The following RORC variants were observed in gnomAD, a reference collection of about 807,000 sequenced individuals.
The protein encoded by RORC is RAR related orphan receptor C.
Under a neutral mutation model 64.5 loss-of-function variants are expected in RORC, and 13 were observed. The observed-to-expected ratio is 0.20, with a 90% CI of 0.13 to 0.32. The LOEUF (loss-of-function observed/expected upper bound fraction) is 0.32, where lower values mean the gene tolerates loss of function less well. RORC is among the 10% of genes least tolerant of loss of function. RORC has a pLI of 1.00. For missense variants in RORC, 468 were observed against 669.5 expected (o/e 0.70, Z 3.32); for synonymous variants, 277 against 259.3 (o/e 1.07, Z -0.65).
intron 8 of RORC, 41 bp from the exon 9 acceptor site, chr1:151,813,098 G>GCGATGGTGCCCGAGGA: frequency 6.5e-7 from 1 of 1,529,184 alleles, no homozygotes. Context: ...AGTGGCTGGA[G>GCGATGGTGCCCGAGGA]CGATGGTGCC....
chr1:151,815,148 C>A lies in RORC; in HGVS notation c.576G>T (p.Lys192Asn). Reference sequence around the variant, plus strand: ...GGCATGAGGCCCCATTGAGCCCTGCCTTGGCCAAGTTGTTGGAATATGAGG... The same window carrying A: ...GGCATGAGGCCCCATTGAGCCCTGCATTGGCCAAGTTGTTGGAATATGAGG... ...SGPSYSNNLA[K>N]AGLNGASCHL... Residue 192 changes from lysine (K) to asparagine (N), a missense_variant, in exon 5 of 11, where the codon AAG becomes AAT. Lys to Asn is a moderately conservative substitution (Grantham distance 94). Coordinates refer to ENST00000318247, the MANE Select transcript of RORC (RefSeq NM_005060.4). 2 of 1,614,084 alleles carry A rather than the reference C, an allele frequency of 1.2e-6. No individual in the cohort carries two copies. The highest frequency in any genetic ancestry group is 1.7e-6 in the Non-Finnish European group (2 of 1,179,968).
rs1230711057 is a variant in RORC at position 151,831,217 on chromosome 1, T to C, written c.40+508A>G. 6 of 885,300 alleles carry C rather than the reference T, an allele frequency of 6.8e-6. 1 individual carries two copies. The Admixed American group carries it at 1.6e-4, about 23-fold the overall frequency. 54.8% of individuals were successfully genotyped at this position (885,300 alleles called of 1,614,324 possible). A position where few individuals can be genotyped will look rare whatever the true frequency, so the allele number is the denominator to read the frequency against. ...GTCATGGGCAGCTGACAGGGTGTGG[T>C]TCCCCCTGCCACACTCCCCAAGTCT... On this transcript the variant is annotated intron_variant, in intron 1 of 10. Coordinates refer to ENST00000318247, the MANE Select transcript of RORC (RefSeq NM_005060.4).
chr1:151,810,424 T>C (rs1205149133), intron 10 of RORC, among the ~76,000 whole-genome samples: 1 of 152,164 alleles, frequency 6.6e-6, no homozygotes, highest in Non-Finnish European at 1.5e-5. Context: ...TTTCCTGGTG[T>C]CACTTATTAT....
rs534222674 is a variant in RORC, at chr1:151,830,370, T to TG, written c.41-913dup. ...CCTTAGCTGGAGCATGGTTGGTGGG[T>TG]GGGGGGGTGTCACCCATTCATGCAG... On this transcript the variant is annotated intron_variant, in intron 1 of 10. Coordinates refer to ENST00000318247, the MANE Select transcript of RORC (RefSeq NM_005060.4). This position sits in a 1 kb window ranked among gnomAD's most constrained non-coding sequence, Gnocchi z 4.0. Among the ~76,000 whole-genome samples, 7 of 150,432 alleles carry TG rather than the reference T, an allele frequency of 4.7e-5. No homozygotes were observed. The highest frequency in any genetic ancestry group is 3.9e-4 in the East Asian group (2 of 5,094).
chr1:151,824,412 G>A (rs1175593968), intron 2 of RORC, among the ~76,000 whole-genome samples: 1 of 152,166 alleles, frequency 6.6e-6, no homozygotes, highest in Admixed American at 6.5e-5. Flanking sequence ...TTCATCCCAG[G>A]GTTGATTTGC....
chr1:151,831,026 G>T (rs1472092142), intron 1 of RORC: 5 of 1,289,220 alleles, frequency 3.9e-6, no homozygotes, highest in Non-Finnish European at 3.0e-6. Flanking sequence ...CAAGCCTGTG[G>T]CCCTGCGATC....
chr1:151,831,664 T>C (rs1214700774), intron 1 of RORC, 61 bp downstream of exon 1: 12 of 1,608,864 alleles, frequency 7.5e-6, no homozygotes, highest in Non-Finnish European at 6.8e-6. Context: ...TTGCCATTTC[T>C]GCCCTCCTCT....
At chr1:151,831,567 C>T in intron 1 of RORC, 158 bp downstream of exon 1, 1 of 824,956 alleles carries the variant, frequency 1.2e-6, no homozygotes, top group Non-Finnish European at 1.5e-6. Context: ...CCTCCTGTTT[C>T]TCCTCCAGTT....
intron 4 of RORC, among the ~76,000 whole-genome samples, chr1:151,816,235 C>A (rs1321112212): frequency 6.6e-6 from 1 of 152,162 alleles, no homozygotes; most frequent in African/African-American, 2.4e-5. Flanking sequence ...TGTTCTCAGG[C>A]CAATTCTGTT....
chr1:151,830,370 TG>T lies in RORC; in HGVS notation c.41-913del, dbSNP rs534222674. Among the ~76,000 whole-genome samples the T allele has an allele frequency of 6.6e-6, 1 of 150,432 alleles. No individual in the cohort carries two copies. Among genetic ancestry groups the T allele is most frequent in the South Asian group, 2.1e-4 (1 of 4,734 alleles). On this transcript the variant is annotated intron_variant, in intron 1 of 10. Coordinates refer to ENST00000318247, the MANE Select transcript of RORC (RefSeq NM_005060.4). The surrounding 1 kb of genome is among the most constrained non-coding windows in gnomAD (Gnocchi z 4.0). ...CCTTAGCTGGAGCATGGTTGGTGGGTGGGGGGGTGTCACCCATTCATGCAGT... is the reference window on the plus strand; with the variant it reads ...CCTTAGCTGGAGCATGGTTGGTGGGTGGGGGGTGTCACCCATTCATGCAGT...
At position 151,813,307 on chromosome 1, in the gene RORC, T is replaced by C; in HGVS notation, c.1106A>G (p.Tyr369Cys). Residue 369 changes from tyrosine (Y) to cysteine (C), a missense_variant, in exon 8 of 11, where the codon TAC becomes TGC. Around this residue, in one of 5 missense-constraint regions of RORC, gnomAD observed 100 missense variants for 190.8 expected, o/e 0.52. Transcript: ENST00000318247. ...EVVLVRMCRAYNADNRTVFFE... is the reference protein window; with the variant it reads ...EVVLVRMCRACNADNRTVFFE... ...AAAGACCGTGCGGTTGTCAGCATTG[T>C]AGGCCCGGCACATCCTAACCAGCAC... 6.2e-7 allele frequency: 1 copy of C among 1,614,184 alleles called. No individual in the cohort carries two copies. Among genetic ancestry groups the C allele is most frequent in the Non-Finnish European group, 8.5e-7 (1 of 1,180,034 alleles).
At position 151,816,710 on chromosome 1, in the gene RORC, C is replaced by T. The variant is rs1174199110; in HGVS notation, c.252G>A (p.Gln84=). The change falls in exon 4 of 11, where the codon CAG becomes CAA. Residue 84 remains glutamine, a synonymous_variant. Coordinates refer to ENST00000318247, the MANE Select transcript of RORC (RefSeq NM_005060.4). ...CCAGGCATTTCTGCAGGCGGCAGTGCTGGCATCGGTTTCGGCTGGTGCGGT... is the reference window on the plus strand; with the variant it reads ...CCAGGCATTTCTGCAGGCGGCAGTGTTGGCATCGGTTTCGGCTGGTGCGGT... ...PIDRTSRNRC[Q]HCRLQKCLAL... 1 of 1,606,050 alleles carries T rather than the reference C, an allele frequency of 6.2e-7. No individual in the cohort carries two copies. The highest frequency in any genetic ancestry group is 8.5e-7 in the Non-Finnish European group (1 of 1,176,242).
intron 10 of RORC, among the ~76,000 whole-genome samples, chr1:151,808,624 A>G (rs1245759965): frequency 6.6e-6 from 1 of 152,120 alleles, no homozygotes; most frequent in African/African-American, 2.4e-5. Flanking sequence ...CATTCAACAA[A>G]TATTTGTTGA....
At position 151,813,354 on chromosome 1, in the gene RORC, G is replaced by T. The variant is rs1651613886; in HGVS notation, c.1067-8C>A. The stretch of plus-strand genomic sequence containing the variant: ...GCACCACTTCCATTGCTCCTGGGCA[G>T]TGGGGAGAGAAGATGCAGGGACAGT... On this transcript the variant is annotated splice_polypyrimidine_tract_variant and splice_region_variant and intron_variant, in intron 7 of 10. Transcript: ENST00000318247. 6.2e-7 allele frequency: 1 copy of T among 1,612,188 alleles called. No homozygotes were observed. Among genetic ancestry groups the T allele is most frequent in the Non-Finnish European group, 8.5e-7 (1 of 1,178,164 alleles).
Position 151,830,887 on chromosome 1 carries a change from C to T in RORC, c.40+838G>A. 1 of 1,258,572 alleles carries T rather than the reference C, an allele frequency of 7.9e-7. No homozygotes were observed. The highest frequency in any genetic ancestry group is 1.3e-5 in the South Asian group (1 of 78,268). The allele number at this position is 1,258,572 out of a possible 1,614,324, so 78.0% of individuals were successfully genotyped here. The stretch of plus-strand genomic sequence containing the variant: ...CCGGCTCCTGGCCTCTAGCCTTGCA[C>T]CTCAGAGCAGTCCTGTGGTGGGGGT... On this transcript the variant is annotated intron_variant, in intron 1 of 10. Transcript: ENST00000318247. The surrounding 1 kb of genome is among the most constrained non-coding windows in gnomAD (Gnocchi z 4.0).
chr1:151,810,577 G>A (rs1431728196), intron 10 of RORC, among the ~76,000 whole-genome samples: 2 of 148,104 alleles, frequency 1.4e-5, no homozygotes, highest in African/African-American at 5.0e-5. Context: ...TGTTGCCCAG[G>A]CTGGAGTGCA....
At chr1:151,812,198 T>C (rs1225795596) in intron 9 of RORC, 1 of 152,236 alleles carries the variant, frequency 6.6e-6, no homozygotes, top group Admixed American at 6.5e-5. Context: ...CCTTATCAAT[T>C]ACAGATGGTC....
At position 151,813,252 on chromosome 1, in the gene RORC, C is replaced by T. The variant is rs1190139579; in HGVS notation, c.1161G>A (p.Leu387=). Residue 387 remains leucine (L), a synonymous_variant, in exon 8 of 11, where the codon CTG becomes CTA. Coordinates refer to ENST00000318247, the MANE Select transcript of RORC (RefSeq NM_005060.4). ...CCTGCCCCTCACCCAAGGCTCGGAACAGCTCCATGCCACCGTATTTGCCTT... is the reference window on the plus strand; with the variant it reads ...CCTGCCCCTCACCCAAGGCTCGGAATAGCTCCATGCCACCGTATTTGCCTT... ...FFEGKYGGME[L]FRALGCSELI... is the part of the protein sequence containing the mutation. The T allele has an allele frequency of 6.2e-7, 1 of 1,613,990 alleles. No individual in the cohort carries two copies. Among genetic ancestry groups the T allele is most frequent in the South Asian group, 1.1e-5 (1 of 91,074 alleles).
At chr1:151,820,473 C>T (rs1411765252) in intron 2 of RORC, among the ~76,000 whole-genome samples, 1 of 152,112 alleles carries the variant, frequency 6.6e-6, no homozygotes, top group Non-Finnish European at 1.5e-5. Flanking sequence ...CCTGCCAGTG[C>T]CAGGAACTAG....
Sources: gnomAD v4.1 joint callset for allele counts (sites outside exome capture counted in the v4.1 genomes callset) on GRCh38, gnomAD v4.1.1 for gene constraint, gnomAD v4.1.1 regional missense constraint, Gnocchi (gnomAD v3.1) non-coding constraint, MANE v1.5 for transcripts, NCBI Gene and HGNC (gene_info 2026-07-23, HGNC 2026-07-21) for gene names.